The following TNIP3 variants were observed in gnomAD, a reference collection of about 807,000 sequenced individuals.
TNIP3 encodes TNFAIP3 interacting protein 3.
A neutral mutation model predicts 54.1 loss-of-function variants in TNIP3; 34 were observed. That is an observed-to-expected ratio of 0.63 (90% CI 0.48 to 0.84). The LOEUF is 0.84. TNIP3 is among the 40% of genes least tolerant of loss of function. TNIP3 has a pLI of 0.00. For missense variants in TNIP3, 366 were observed against 387.6 expected, an observed-to-expected ratio of 0.94 and a Z score of 0.47; for synonymous variants, 134 against 136.8, an observed-to-expected ratio of 0.98 and a Z score of 0.14.
upstream of TNIP3, among the ~76,000 whole-genome samples, chr4:121,167,052 T>A (rs1283246277): frequency 2.0e-5 from 3 of 152,148 alleles, no homozygotes; most frequent in African/African-American, 7.2e-5. Flanking sequence ...TGAGCTTATA[T>A]AGTAATAACA....
intron 7 of TNIP3, among the ~76,000 whole-genome samples, chr4:121,144,682 A>G (rs1056204430): frequency 6.6e-6 from 1 of 152,238 alleles, no homozygotes; most frequent in Non-Finnish European, 1.5e-5. Context: ...GATTACAGGC[A>G]TGAGTCACCG....
chr4:121,158,650 G>A (rs755942781), intron 3 of TNIP3, 37 bp downstream of exon 3: 1 of 1,539,276 alleles, frequency 6.5e-7, no homozygotes, highest in East Asian at 2.2e-5. Context: ...CAGGATAATG[G>A]CTTTAAAGAA....
At chr4:121,170,483 C>T (rs779061016) in intron 3 of TNIP3, among the ~76,000 whole-genome samples, 122 of 152,098 alleles carry the variant, frequency 8.0e-4, no homozygotes, top group Admixed American at 1.4e-3. Context: ...GGCCTGTTTC[C>T]GTGTATTTTC....
intron 2 of TNIP3, among the ~76,000 whole-genome samples, chr4:121,210,988 G>A (rs1726450684): frequency 6.6e-6 from 1 of 152,140 alleles, no homozygotes. Context: ...ATATTATTTT[G>A]CATTTTAGTA....
At chr4:121,182,864 A>T (rs1316737086) in intron 2 of TNIP3, 1 of 1,468,896 alleles carries the variant, frequency 6.8e-7, no homozygotes, top group Admixed American at 2.0e-5. Context: ...GCGTAGAGTG[A>T]GTTTATGGAT....
At chr4:121,212,248 G>A (rs1036065209) in intron 2 of TNIP3, among the ~76,000 whole-genome samples, 4 of 152,158 alleles carry the variant, frequency 2.6e-5, no homozygotes, top group African/African-American at 9.7e-5. Context: ...CATGGGCGTT[G>A]TTTGCATGGA....
intron 1 of TNIP3, among the ~76,000 whole-genome samples, chr4:121,162,260 T>A (rs1730498320): frequency 6.6e-6 from 1 of 152,220 alleles, no homozygotes; most frequent in Non-Finnish European, 1.5e-5. Context: ...TTTCTCTGTT[T>A]GTTTATGTTT....
upstream of TNIP3, among the ~76,000 whole-genome samples, chr4:121,216,806 A>C (rs1726813465): frequency 6.6e-6 from 1 of 152,228 alleles, no homozygotes; most frequent in Non-Finnish European, 1.5e-5. Flanking sequence ...ATTCTAATAC[A>C]TAGAGCATGA....
At chr4:121,188,720 T>A (rs115789824) in intron 2 of TNIP3, among the ~76,000 whole-genome samples, 1 of 152,334 alleles carries the variant, frequency 6.6e-6, no homozygotes, top group Non-Finnish European at 1.5e-5. Context: ...CACTTCTCCA[T>A]TAAATTGTTT....
intron 2 of TNIP3, among the ~76,000 whole-genome samples, chr4:121,188,386 T>G (rs1725131936): frequency 6.6e-6 from 1 of 152,120 alleles, no homozygotes; most frequent in South Asian, 2.1e-4. Flanking sequence ...AATAACGGTC[T>G]GCCCTGTAAT....
At chr4:121,178,806 C>T (rs1724513562) in intron 3 of TNIP3, among the ~76,000 whole-genome samples, 1 of 152,132 alleles carries the variant, frequency 6.6e-6, no homozygotes, top group East Asian at 1.9e-4. Flanking sequence ...CTGTTGCTTT[C>T]TAGAAAATTC....
chr4:121,142,331 T>G (rs1462453022), intron 8 of TNIP3, among the ~76,000 whole-genome samples: 1 of 152,160 alleles, frequency 6.6e-6, no homozygotes, highest in Non-Finnish European at 1.5e-5. Context: ...TTTAAGGCTA[T>G]TAGAGAACCC....
chr4:121,153,172 A>G (rs1004240866), intron 5 of TNIP3, among the ~76,000 whole-genome samples: 1 of 152,162 alleles, frequency 6.6e-6, no homozygotes. Flanking sequence ...TTAAAATGTA[A>G]AATTTCGTGT....
rs1160355989 is a variant in TNIP3, at chr4:121,204,048, C to T, written c.68+12367G>A. Among the ~76,000 whole-genome samples the T allele has an allele frequency of 2.0e-5, 3 of 151,444 alleles. No homozygotes were observed. In the East Asian group the frequency reaches 5.8e-4, roughly 29 times the overall value. On this transcript the variant is annotated intron_variant, in intron 2 of 12. Coordinates refer to the TNIP3 transcript ENST00000507879. ...GGTTATTTTGCATTTATGAAAAAAT[C>T]TCTGACTATTCCTTCAGTTCATACA...
chr4:121,178,823 G>A (rs913890441), intron 3 of TNIP3, among the ~76,000 whole-genome samples: 1 of 152,082 alleles, frequency 6.6e-6, no homozygotes, highest in Non-Finnish European at 1.5e-5. Context: ...ATTCTATGTT[G>A]TGATTTTTAT....
At chr4:121,219,829 A>T (rs973949743), upstream of TNIP3, among the ~76,000 whole-genome samples, 6 of 152,240 alleles carry the variant, frequency 3.9e-5, no homozygotes, top group Admixed American at 3.9e-4. Context: ...AGAAAGGACT[A>T]GAAGCTGACA....
chr4:121,179,393 A>G (rs1724550689), intron 3 of TNIP3, among the ~76,000 whole-genome samples: 1 of 152,208 alleles, frequency 6.6e-6, no homozygotes, highest in South Asian at 2.1e-4. Flanking sequence ...AAACAAAATA[A>G]AATATTTACC....
chr4:121,220,766 G>T (rs1358843721), upstream of TNIP3, among the ~76,000 whole-genome samples: 1 of 152,166 alleles, frequency 6.6e-6, no homozygotes, highest in Non-Finnish European at 1.5e-5. Flanking sequence ...GTCCTTAGCT[G>T]TGAGCATTCA....
At chr4:121,173,609 T>C (rs942556100) in intron 3 of TNIP3, among the ~76,000 whole-genome samples, 1 of 152,220 alleles carries the variant, frequency 6.6e-6, no homozygotes, top group Non-Finnish European at 1.5e-5. Context: ...TGCTCATGTG[T>C]TGACTTCACC....
Sources: allele counts gnomAD v4.1 joint callset (sites outside exome capture counted in the v4.1 genomes callset), GRCh38; gene constraint gnomAD v4.1.1; transcripts MANE v1.5; gene names NCBI Gene and HGNC (gene_info 2026-07-23, HGNC 2026-07-21).